MAN1A1: variants seen among roughly 807,000 people sequenced by gnomAD.
MAN1A1 encodes mannosyl-oligosaccharide 1,2-alpha-mannosidase IA.
MAN1A1 carries 29 observed loss-of-function variants against 70.8 expected under a neutral mutation model. That is an observed-to-expected ratio of 0.41 (90% CI 0.31 to 0.56). The LOEUF is 0.56. MAN1A1 is among the 20% of genes least tolerant of loss of function. The pLI is 0.29. For synonymous variants in MAN1A1, 349 were observed against 330.1 expected (o/e 1.06, Z -0.62); for missense variants, 747 against 841.3 (o/e 0.89, Z 1.39).
At chr6:119,297,942 G>A (rs979521246) in intron 4 of MAN1A1, among the ~76,000 whole-genome samples, 1 of 151,788 alleles carries the variant, frequency 6.6e-6, no homozygotes, top group African/African-American at 2.4e-5. Context: ...GAGCCACCAC[G>A]CCTGGCCAAA....
At chr6:119,198,190 A>T (rs1562187954) in intron 8 of MAN1A1, among the ~76,000 whole-genome samples, 1 of 152,196 alleles carries the variant, frequency 6.6e-6, no homozygotes, top group Admixed American at 6.5e-5. Flanking sequence ...GGAGTTCGAG[A>T]CCAGCCTGGA....
intron 2 of MAN1A1, among the ~76,000 whole-genome samples, chr6:119,317,270 T>C (rs888391228): frequency 6.6e-6 from 1 of 152,178 alleles, no homozygotes. Flanking sequence ...ATGATTTACA[T>C]TAAGGCTCAC....
At chr6:119,188,019 G>A (rs1275512881) in intron 11 of MAN1A1, among the ~76,000 whole-genome samples, 2 of 152,144 alleles carry the variant, frequency 1.3e-5, no homozygotes, top group South Asian at 2.1e-4. Context: ...GCATATACTA[G>A]CATTTTAAAG....
At chr6:119,310,395 G>C (rs1772669045) in intron 2 of MAN1A1, among the ~76,000 whole-genome samples, 1 of 152,286 alleles carries the variant, frequency 6.6e-6, no homozygotes, top group South Asian at 2.1e-4. Flanking sequence ...AAGCCTACAA[G>C]TTCAAGTCCC....
chr6:119,311,172 G>A (rs1197529191), intron 2 of MAN1A1, among the ~76,000 whole-genome samples: 1 of 152,128 alleles, frequency 6.6e-6, no homozygotes, highest in Non-Finnish European at 1.5e-5. Context: ...CATGTTGCCC[G>A]ACACACATTA....
chr6:119,197,933 T>A (rs1351910064), intron 8 of MAN1A1, among the ~76,000 whole-genome samples: 1 of 152,158 alleles, frequency 6.6e-6, no homozygotes, highest in East Asian at 1.9e-4. Context: ...CCAGTACAAC[T>A]GGCTCCTTCT....
intron 5 of MAN1A1, among the ~76,000 whole-genome samples, chr6:119,265,164 A>G (rs1320204241): frequency 1.3e-5 from 2 of 151,696 alleles, no homozygotes; most frequent in Non-Finnish European, 2.9e-5. Flanking sequence ...GCAGTGACAC[A>G]ATCATAGCTC....
chr6:119,255,980 G>A (rs1220593693), intron 5 of MAN1A1, among the ~76,000 whole-genome samples: 2 of 152,040 alleles, frequency 1.3e-5, no homozygotes, highest in African/African-American at 4.8e-5. Context: ...TTTCTCCCCT[G>A]TGATTCAATA....
intron 11 of MAN1A1, among the ~76,000 whole-genome samples, chr6:119,187,898 T>C (rs755790637): frequency 8.5e-5 from 13 of 152,234 alleles, no homozygotes; most frequent in African/African-American, 2.2e-4. Flanking sequence ...GGAAAGCTTA[T>C]AGATATTCCA....
At chr6:119,261,658 A>G (rs1470846191) in intron 5 of MAN1A1, among the ~76,000 whole-genome samples, 1 of 152,254 alleles carries the variant, frequency 6.6e-6, no homozygotes, top group Non-Finnish European at 1.5e-5. Flanking sequence ...ACCTTACCAC[A>G]TACAATTGGC....
At position 119,180,550 on chromosome 6, in the gene MAN1A1, G is replaced by A. The variant is rs117959866; in HGVS notation, c.1720-123C>T. On this transcript the variant is annotated intron_variant, in intron 11 of 12. Coordinates refer to ENST00000368468, the MANE Select transcript of MAN1A1 (RefSeq NM_005907.4). ...TTTTTTTGAGACAGGGCCTCACTCT[G>A]TTGCCTGGGCGGAGTACAGTGGCAC... 9.9e-3 allele frequency: 5,771 copies of A among 580,422 alleles called. 46 individuals are homozygous for A. The highest frequency in any genetic ancestry group is 0.015 in the Non-Finnish European group (4,848 of 326,376). 36.0% of individuals were successfully genotyped at this position (580,422 alleles called of 1,614,324 possible). A position where few individuals can be genotyped will look rare whatever the true frequency, so the allele number is the denominator to read the frequency against.
intron 9 of MAN1A1, among the ~76,000 whole-genome samples, chr6:119,191,137 C>T (rs542367325): frequency 2.0e-5 from 3 of 152,142 alleles, no homozygotes; most frequent in East Asian, 1.9e-4. Flanking sequence ...GCTCATTAAC[C>T]GTGGTTAAGC....
intron 3 of MAN1A1, among the ~76,000 whole-genome samples, chr6:119,304,298 A>T (rs1456040405): frequency 6.6e-6 from 1 of 152,214 alleles, no homozygotes; most frequent in Non-Finnish European, 1.5e-5. Context: ...AATTTTTTGA[A>T]GCTAGAACTA....
chr6:119,212,400 C>T (rs1044454378), intron 6 of MAN1A1, among the ~76,000 whole-genome samples: 1 of 152,044 alleles, frequency 6.6e-6, no homozygotes, highest in African/African-American at 2.4e-5. Flanking sequence ...TGATTCTGTT[C>T]AACAGGTTAA....
At chr6:119,225,537 A>T (rs1396561648) in intron 6 of MAN1A1, among the ~76,000 whole-genome samples, 1 of 152,234 alleles carries the variant, frequency 6.6e-6, no homozygotes, top group Non-Finnish European at 1.5e-5. Context: ...TTAAAAAACC[A>T]GCAAACACAA....
chr6:119,228,152 G>A (rs926634018), intron 6 of MAN1A1, among the ~76,000 whole-genome samples: 3 of 152,178 alleles, frequency 2.0e-5, no homozygotes, highest in Non-Finnish European at 4.4e-5. Context: ...ATGGTTCAGA[G>A]AGACCCCTGT....
intron 3 of MAN1A1, among the ~76,000 whole-genome samples, chr6:119,302,585 T>A (rs1772420458): frequency 6.6e-6 from 1 of 152,096 alleles, no homozygotes; most frequent in African/African-American, 2.4e-5. Context: ...TTTCACCATG[T>A]TGGCCAGAAT....
chr6:119,259,929 C>T (rs868079762), intron 5 of MAN1A1, among the ~76,000 whole-genome samples: 12 of 152,192 alleles, frequency 7.9e-5, no homozygotes, highest in African/African-American at 2.9e-4. Context: ...TCTTATTAAT[C>T]TTGTCTACCC....
intron 5 of MAN1A1, among the ~76,000 whole-genome samples, chr6:119,275,018 C>T (rs1435700722): frequency 1.3e-5 from 2 of 152,144 alleles, no homozygotes; most frequent in Non-Finnish European, 2.9e-5. Flanking sequence ...AACTCATAAG[C>T]ATTACGAGTG....
Sources: gnomAD v4.1 joint callset for allele counts (sites outside exome capture counted in the v4.1 genomes callset) on GRCh38, gnomAD v4.1.1 for gene constraint, MANE v1.5 for transcripts, NCBI Gene and HGNC (gene_info 2026-07-23, HGNC 2026-07-21) for gene names.